Variants in DLGAP2 observed in about 807,000 individuals in gnomAD.
The protein encoded by DLGAP2 is disks large-associated protein 2.
In DLGAP2, 26 loss-of-function variants were observed where a neutral mutation model predicts 100.3. The observed-to-expected ratio is 0.26, with a 90% CI of 0.19 to 0.36. DLGAP2 has a LOEUF of 0.36. DLGAP2 is among the 10% of genes least tolerant of loss of function. The probability of loss-of-function intolerance (pLI) is 1.00; values close to 1 mark genes in which losing one functional copy is unlikely to be tolerated. For missense variants in DLGAP2, 1,858 were observed against 1,453.2 expected, an observed-to-expected ratio of 1.28 and a Z score of -4.53; for synonymous variants, 886 against 630.1, an observed-to-expected ratio of 1.41 and a Z score of -6.08.
chr8:1,187,857 G>A (rs547820354), intron 2 of DLGAP2, among the ~76,000 whole-genome samples: 1 of 110,718 alleles, frequency 9.0e-6, no homozygotes, highest in South Asian at 2.9e-4. Flanking sequence ...TCACACACCC[G>A]GGACCCCCGT....
intron 2 of DLGAP2, among the ~76,000 whole-genome samples, chr8:1,197,722 C>G (rs1042968175): frequency 6.6e-6 from 1 of 151,404 alleles, no homozygotes. Flanking sequence ...TCTGGGCCAC[C>G]AGCTGTCCAT....
intron 3 of DLGAP2, among the ~76,000 whole-genome samples, chr8:1,439,192 G>A (rs1042360375): frequency 6.6e-6 from 1 of 152,114 alleles, no homozygotes; most frequent in East Asian, 1.9e-4. Flanking sequence ...AGCATAGTCC[G>A]CCCAGCCCCT....
chr8:1,376,292 C>T (rs888423501), intron 3 of DLGAP2, among the ~76,000 whole-genome samples: 4 of 152,238 alleles, frequency 2.6e-5, no homozygotes, highest in African/African-American at 7.2e-5. Flanking sequence ...GGAGACAAAC[C>T]AGGTCTCTGT....
At chr8:1,524,983 C>G (rs190108338) in intron 4 of DLGAP2, among the ~76,000 whole-genome samples, 1 of 152,204 alleles carries the variant, frequency 6.6e-6, no homozygotes, top group Non-Finnish European at 1.5e-5. Flanking sequence ...GGAGATTGTC[C>G]TTTTGTGGAT....
intron 3 of DLGAP2, among the ~76,000 whole-genome samples, chr8:1,321,332 G>T (rs191794980): frequency 1.3e-5 from 2 of 151,270 alleles, no homozygotes; most frequent in Non-Finnish European, 2.9e-5. Context: ...GTGTGTGTCT[G>T]TGTGTCTCTG....
At chr8:1,229,777 C>G (rs986248849) in intron 2 of DLGAP2, among the ~76,000 whole-genome samples, 11 of 152,302 alleles carry the variant, frequency 7.2e-5, no homozygotes, top group African/African-American at 2.6e-4. Context: ...ACCATACGTT[C>G]ATCTGAGTAC....
intron 1 of DLGAP2, among the ~76,000 whole-genome samples, chr8:841,400 G>A (rs938872816): frequency 5.3e-5 from 8 of 152,124 alleles, no homozygotes; most frequent in East Asian, 1.9e-4. Flanking sequence ...GCAGCCTTTC[G>A]TAGATGTTCA....
At chr8:1,008,869 G>A (rs150174590) in intron 2 of DLGAP2, among the ~76,000 whole-genome samples, 3 of 152,350 alleles carry the variant, frequency 2.0e-5, no homozygotes, top group Non-Finnish European at 4.4e-5. Flanking sequence ...AGGCAGCTCC[G>A]AACATGGGTG....
At chr8:1,027,739 T>G (rs1801848823) in intron 2 of DLGAP2, among the ~76,000 whole-genome samples, 1 of 131,332 alleles carries the variant, frequency 7.6e-6, no homozygotes, top group African/African-American at 3.0e-5. Context: ...CCAGGTGGGG[T>G]GTCAGGCGCC....
At chr8:1,494,045 G>A (rs917471294) in intron 3 of DLGAP2, among the ~76,000 whole-genome samples, 8 of 151,698 alleles carry the variant, frequency 5.3e-5, no homozygotes, top group African/African-American at 1.2e-4. Flanking sequence ...TCTGCATCGG[G>A]GGGGGCAGTA....
At chr8:1,540,946 C>T (rs1473322792) in intron 4 of DLGAP2, among the ~76,000 whole-genome samples, 1 of 152,222 alleles carries the variant, frequency 6.6e-6, no homozygotes, top group East Asian at 1.9e-4. Context: ...CTCCTGTGAG[C>T]ACAGCAGCAG....
chr8:1,626,894 G>T lies in DLGAP2; in HGVS notation c.1590+7G>T, dbSNP rs777540889. The T allele has an allele frequency of 6.3e-7, 1 of 1,586,302 alleles. No homozygotes were observed. Among genetic ancestry groups the T allele is most frequent in the Non-Finnish European group, 8.6e-7 (1 of 1,166,556 alleles). ...GGCCAGCTGCGTGAGCCAGGTCAGG[G>T]TCCCTTCGCCCTTTCTCCCTGGGGT... On this transcript the variant is annotated splice_region_variant and intron_variant, in intron 7 of 14. Coordinates refer to ENST00000637795, the MANE Select transcript of DLGAP2 (RefSeq NM_001346810.2).
chr8:1,315,246 G>T (rs1337690172), intron 3 of DLGAP2, among the ~76,000 whole-genome samples: 2 of 151,626 alleles, frequency 1.3e-5, no homozygotes, highest in African/African-American at 2.4e-5. Context: ...CTCTCCAGCA[G>T]TGGTCTACAC....
intron 2 of DLGAP2, among the ~76,000 whole-genome samples, chr8:1,194,046 C>T (rs936852494): frequency 6.6e-6 from 1 of 152,126 alleles, no homozygotes; most frequent in African/African-American, 2.4e-5. Context: ...CGTACTGTGA[C>T]ATTCAAGTCA....
At chr8:1,044,995 A>T (rs1407003468) in intron 2 of DLGAP2, among the ~76,000 whole-genome samples, 1 of 152,184 alleles carries the variant, frequency 6.6e-6, no homozygotes, top group Non-Finnish European at 1.5e-5. Context: ...ACAGACTTAA[A>T]AGGTCCTTGT....
chr8:1,549,520 G>T lies in DLGAP2; in HGVS notation c.1067G>T (p.Gly356Val). 2 of 1,613,420 alleles carry T rather than the reference G, an allele frequency of 1.2e-6. No homozygotes were observed. The highest frequency in any genetic ancestry group is 2.2e-5 in the East Asian group (1 of 44,858). ...GACGTCAAGTGCTCGGCCTGTGAGGGGTTGGCGCTGACGCCCGACGCCAAG... is the reference window on the plus strand; with the variant it reads ...GACGTCAAGTGCTCGGCCTGTGAGGTGTTGGCGCTGACGCCCGACGCCAAG... The part of the protein sequence containing the change: ...NNDVKCSACE[G>V]LALTPDAKYL... Residue 356 changes from glycine (G) to valine (V), a missense_variant, in exon 5 of 15, where the codon GGG becomes GTG. Gly to Val is a moderately radical substitution (Grantham distance 109, BLOSUM62 -3). Transcript: ENST00000637795.
intron 1 of DLGAP2, among the ~76,000 whole-genome samples, chr8:881,433 A>G (rs1206227186): frequency 6.6e-6 from 1 of 151,250 alleles, no homozygotes; most frequent in Non-Finnish European, 1.5e-5. Context: ...ACTTGAATGC[A>G]CCAATAGAAA....
At position 1,053,064 on chromosome 8, in the gene DLGAP2, G is replaced by A. The variant is rs538133558; in HGVS notation, c.73+145098G>A. On this transcript the variant is annotated intron_variant, in intron 2 of 14. Transcript: ENST00000637795. ...GCTGCCCCTTGAATTTACATGTGGAGTAACAAACAAGGAAGCATATGTAAT... is the reference window on the plus strand; with the variant it reads ...GCTGCCCCTTGAATTTACATGTGGAATAACAAACAAGGAAGCATATGTAAT... Among the ~76,000 whole-genome samples, 5 of 152,312 alleles carry A rather than the reference G, an allele frequency of 3.3e-5. No individual in the cohort carries two copies. In the South Asian group the frequency reaches 1.0e-3, roughly 32 times the overall value.
chr8:1,208,282 G>A (rs549363070), intron 2 of DLGAP2, among the ~76,000 whole-genome samples: 12 of 152,178 alleles, frequency 7.9e-5, no homozygotes, highest in African/African-American at 2.9e-4. Flanking sequence ...TCTATATGTG[G>A]CTTGCCGATT....
Sources: gnomAD v4.1 joint callset for allele counts (sites outside exome capture counted in the v4.1 genomes callset) on GRCh38, gnomAD v4.1.1 for gene constraint, MANE v1.5 for transcripts, NCBI Gene and HGNC (gene_info 2026-07-23, HGNC 2026-07-21) for gene names.